NPHS2: variants seen among roughly 807,000 people sequenced by gnomAD.
NPHS2 encodes the protein NPHS2 stomatin family member, podocin.
A neutral mutation model predicts 37.1 loss-of-function variants in NPHS2; 36 were observed. The ratio of observed to expected loss-of-function variants is 0.97; its 90% CI spans 0.74 to 1.28. The LOEUF is 1.28. Ranked by LOEUF, NPHS2 falls within the 50% of genes most tolerant of loss-of-function variation. The pLI is 0.00. For missense variants in NPHS2, 447 were observed against 488.1 expected (o/e 0.92, Z 0.79); for synonymous variants, 196 against 189.3 (o/e 1.04, Z -0.29).
chr1:179,564,929 A>C (rs1430990528), intron 1 of NPHS2, 136 bp from the exon 2 acceptor site: 5 of 749,082 alleles, frequency 6.7e-6, no homozygotes, highest in Non-Finnish European at 1.1e-5. Flanking sequence ...AATAAGTCAA[A>C]TCAGAGTAGT....
In NPHS2 at chr1:179,554,620, G is replaced by A; in HGVS notation, c.739-89C>T. 8.5e-6 allele frequency: 13 copies of A among 1,531,934 alleles called. No homozygotes were observed. In the South Asian group the frequency reaches 1.5e-4, roughly 17 times the overall value. 94.9% of individuals were successfully genotyped at this position (1,531,934 alleles called of 1,614,324 possible). On this transcript the variant is annotated intron_variant, in intron 5 of 7. Transcript: ENST00000367615. ...CCTGGTGGCCATTGTTCTGTACTAA[G>A]GAACAACATTCCCTTTGAAAGGACA...
intron 1 of NPHS2, among the ~76,000 whole-genome samples, chr1:179,570,603 C>T (rs1262742943): frequency 6.6e-6 from 1 of 152,172 alleles, no homozygotes; most frequent in Non-Finnish European, 1.5e-5. Context: ...GGCGTTAGGG[C>T]CATTATGAAC....
In NPHS2 at chr1:179,575,657, C is replaced by T. The variant is rs764956573; in HGVS notation, c.208G>A (p.Val70Ile). The change falls in exon 1 of 8, where the codon GTC becomes ATC. Residue 70 changes from valine (V) to isoleucine (I), a missense_variant. Coordinates refer to ENST00000367615, the MANE Select transcript of NPHS2 (RefSeq NM_014625.4). ...PAATVVDVDE[V>I]RGSGEEGTEV... ...GTGCCCTCCTCGCCGGAGCCTCGGACCTCATCCACGTCCACCACCGTGGCG... is the reference window on the plus strand; with the variant it reads ...GTGCCCTCCTCGCCGGAGCCTCGGATCTCATCCACGTCCACCACCGTGGCG... 1 of 1,603,616 alleles carries T rather than the reference C, an allele frequency of 6.2e-7. No individual in the cohort carries two copies. The highest frequency in any genetic ancestry group is 1.7e-5 in the Admixed American group (1 of 59,988).
At chr1:179,553,912 ATTT>A (rs11422639) in intron 6 of NPHS2, among the ~76,000 whole-genome samples, 1 of 131,872 alleles carries the variant, frequency 7.6e-6, no homozygotes, top group Non-Finnish European at 1.6e-5. Flanking sequence ...CCCCTGGCTA[ATTT>A]TTTTTTTTTT....
Position 179,556,009 on chromosome 1 carries a change from C to T in NPHS2, c.738+1018G>A, listed in dbSNP as rs1673907679. ...TATCATGGGTTTATTAGGATACATGCATTTTTGACTTACGATATTTTTTGC... is the reference window on the plus strand; with the variant it reads ...TATCATGGGTTTATTAGGATACATGTATTTTTGACTTACGATATTTTTTGC... On this transcript the variant is annotated intron_variant, in intron 5 of 7. Transcript: ENST00000367615. This position sits in a 1 kb window ranked among gnomAD's most constrained non-coding sequence, Gnocchi z 4.1. Among the ~76,000 whole-genome samples, 1 of 152,156 alleles carries T rather than the reference C, an allele frequency of 6.6e-6. No individual in the cohort carries two copies. The highest frequency in any genetic ancestry group is 2.4e-5 in the African/African-American group (1 of 41,432).
At chr1:179,569,890 T>C (rs61117964) in intron 1 of NPHS2, among the ~76,000 whole-genome samples, 8,836 of 152,292 alleles carry the variant, frequency 0.058, 825 homozygotes, top group African/African-American at 0.2. Flanking sequence ...TTCTAGCTTA[T>C]AGGATTTCTG....
At chr1:179,554,006 G>C (rs1265836019) in intron 6 of NPHS2, among the ~76,000 whole-genome samples, 1 of 150,802 alleles carries the variant, frequency 6.6e-6, no homozygotes, top group Non-Finnish European at 1.5e-5. Flanking sequence ...TCTGCCTCTC[G>C]GGTTCAAGCG....
intron 1 of NPHS2, among the ~76,000 whole-genome samples, chr1:179,568,469 G>A (rs990765211): frequency 5.9e-5 from 9 of 151,430 alleles, no homozygotes; most frequent in African/African-American, 1.5e-4. Context: ...TCTTGCTAGC[G>A]GTCTATTTTG....
At chr1:179,564,857 C>T in intron 1 of NPHS2, 64 bp from the exon 2 acceptor site, 1 of 1,294,480 alleles carries the variant, frequency 7.7e-7, no homozygotes, top group Non-Finnish European at 1.1e-6. Flanking sequence ...TGACTAGCAT[C>T]TGTTGGTCCA....
chr1:179,571,057 T>C (rs931592156), intron 1 of NPHS2, among the ~76,000 whole-genome samples: 3 of 152,262 alleles, frequency 2.0e-5, no homozygotes, highest in African/African-American at 7.2e-5. Flanking sequence ...TTCTGAAGCC[T>C]ACTTCTGTCA....
At position 179,551,294 on chromosome 1, in the gene NPHS2, A is replaced by G. The variant is rs751105124; in HGVS notation, c.1031T>C (p.Phe344Ser). Residue 344 changes from phenylalanine to serine, a missense_variant, in exon 8 of 8, where the codon TTT (phenylalanine) becomes TCT (serine). Physicochemically the swap from Phe to Ser is radical, Grantham distance 155. Coordinates refer to ENST00000367615, the MANE Select transcript of NPHS2 (RefSeq NM_014625.4). ...AGAAGACAGGCAATTCAGTAGGTCA[A>G]ATGGCAAAGGTAAAACCACAGTGGA... ...KPSTVVLPLPFDLLNCLSSPS... is the reference protein window; with the variant it reads ...KPSTVVLPLPSDLLNCLSSPS... 12 of 1,614,102 alleles carry G rather than the reference A, an allele frequency of 7.4e-6. 1 individual carries two copies. In the South Asian group the frequency reaches 9.9e-5, roughly 13 times the overall value.
chr1:179,559,771 A>G lies in NPHS2; in HGVS notation c.452-10T>C, dbSNP rs1436756590. The stretch of plus-strand genomic sequence containing the variant: ...AAAAAAAAGAAAAGACCTAAAAGAG[A>G]GGAGGAGGAAGTGACAGATAAATAG... On this transcript the variant is annotated splice_polypyrimidine_tract_variant and intron_variant, in intron 3 of 7. Coordinates refer to ENST00000367615, the MANE Select transcript of NPHS2 (RefSeq NM_014625.4). 1 of 1,552,508 alleles carries G rather than the reference A, an allele frequency of 6.4e-7. No individual in the cohort carries two copies. Among genetic ancestry groups the G allele is most frequent in the East Asian group, 2.4e-5 (1 of 42,404 alleles).
chr1:179,570,226 C>G (rs1674501054), intron 1 of NPHS2, among the ~76,000 whole-genome samples: 1 of 152,100 alleles, frequency 6.6e-6, no homozygotes, highest in Non-Finnish European at 1.5e-5. Flanking sequence ...CCCAGTGGTG[C>G]TAAAGGAATT....
intron 1 of NPHS2, among the ~76,000 whole-genome samples, chr1:179,574,116 A>G (rs1286612248): frequency 6.6e-6 from 1 of 152,126 alleles, no homozygotes; most frequent in Non-Finnish European, 1.5e-5. Context: ...CTTCATCCTT[A>G]GTGGGACTGC....
intron 1 of NPHS2, among the ~76,000 whole-genome samples, chr1:179,565,337 A>G (rs1674294055): frequency 6.6e-6 from 1 of 152,174 alleles, no homozygotes; most frequent in Admixed American, 6.5e-5. Flanking sequence ...TTTGTGAAGA[A>G]GGTCTGGATT....
At chr1:179,552,238 G>T (rs1398279563) in intron 7 of NPHS2, 11 of 284,406 alleles carry the variant, frequency 3.9e-5, no homozygotes, top group Non-Finnish European at 2.0e-5. Flanking sequence ...CCAAGCTTGG[G>T]ATACAGTTCT....
At chr1:179,553,544 C>T (rs115815539) in intron 6 of NPHS2, among the ~76,000 whole-genome samples, 67 of 152,244 alleles carry the variant, frequency 4.4e-4, no homozygotes, top group African/African-American at 1.5e-3. Flanking sequence ...TGTGAAATGT[C>T]CAGAAGAGGC....
chr1:179,555,843 C>T (rs1368689862), intron 5 of NPHS2, among the ~76,000 whole-genome samples: 2 of 152,114 alleles, frequency 1.3e-5, no homozygotes, highest in African/African-American at 2.4e-5. Flanking sequence ...ACATTATCTA[C>T]CTGCTGTGTG....
Position 179,575,845 on chromosome 1 carries a change from C to T in NPHS2, c.20G>A (p.Ser7Asn). The T allele has an allele frequency of 1.4e-6, 2 of 1,425,828 alleles. No homozygotes were observed. Among genetic ancestry groups the T allele is most frequent in the Non-Finnish European group, 9.1e-7 (1 of 1,098,776 alleles). The allele number at this position is 1,425,828 out of a possible 1,614,324, so 88.3% of individuals were successfully genotyped here. The change falls in exon 1 of 8, where the codon AGC (serine) becomes AAC (asparagine). Residue 7 changes from serine (S) to asparagine (N), a missense_variant. Transcript: ENST00000367615. The part of the protein sequence containing the change: MERRAR[S>N]SSRESRGRGG... The stretch of plus-strand genomic sequence containing the variant: ...TCGCCCGCGGGACTCCCTGGAGGAG[C>T]TCCGCGCCCTCCTCTCCATCCTCAG...
Sources: gnomAD v4.1 joint callset for allele counts (sites outside exome capture counted in the v4.1 genomes callset) on GRCh38, gnomAD v4.1.1 for gene constraint, Gnocchi (gnomAD v3.1) non-coding constraint, MANE v1.5 for transcripts, NCBI Gene and HGNC (gene_info 2026-07-23, HGNC 2026-07-21) for gene names.